Variants in DNAAF1 observed in about 807,000 individuals in gnomAD.
DNAAF1 encodes dynein axonemal assembly factor 1, also known as dynein assembly factor 1, axonemal.
A neutral mutation model predicts 71.1 loss-of-function variants in DNAAF1; 65 were observed. The observed-to-expected ratio is 0.91, with a 90% CI of 0.75 to 1.12. The LOEUF (loss-of-function observed/expected upper bound fraction) is 1.12. Ranked by LOEUF, DNAAF1 falls within the 50% of genes most tolerant of loss-of-function variation. The pLI is 0.00. For synonymous variants in DNAAF1, 414 were observed against 354.6 expected, an observed-to-expected ratio of 1.17 and a Z score of -1.88; for missense variants, 1,178 against 899.8, an observed-to-expected ratio of 1.31 and a Z score of -3.96.
At chr16:84,168,108 G>A (rs892457719) in intron 7 of DNAAF1, among the ~76,000 whole-genome samples, 1 of 152,154 alleles carries the variant, frequency 6.6e-6, no homozygotes, top group Non-Finnish European at 1.5e-5. Flanking sequence ...TAAAATCGAG[G>A]TGTCTCAGGG....
rs575404434 is a variant in DNAAF1, at chr16:84,167,322, C to T, written c.1030+1373C>T. Among the ~76,000 whole-genome samples the T allele has an allele frequency of 2.4e-3, 368 of 152,268 alleles. 2 individuals carry two copies. The highest frequency in any genetic ancestry group is 8.4e-3 in the African/African-American group (349 of 41,564). On this transcript the variant is annotated intron_variant, in intron 7 of 11. Transcript: ENST00000378553. The stretch of plus-strand genomic sequence containing the variant: ...CCCCGCTCCAGGTAACTCCAGTGTT[C>T]AGCAACTTGGAAGCTCTCTGAACCC...
At chr16:84,174,255 CAAAA>C (rs1157868662) in intron 9 of DNAAF1, 2 of 1,071,520 alleles carry the variant, frequency 1.9e-6, no homozygotes, top group African/African-American at 1.7e-5. Flanking sequence ...CAATACAAAA[CAAAA>C]AAGTCCTACA....
At chr16:84,177,370 G>C (rs1321774737) in intron 11 of DNAAF1, 1 of 354,224 alleles carries the variant, frequency 2.8e-6, no homozygotes, top group Non-Finnish European at 5.6e-6. Flanking sequence ...CTGCCTCCTA[G>C]GTTCAAGCAA....
In DNAAF1 at chr16:84,155,617, C is replaced by T. The variant is rs765419589; in HGVS notation, c.609C>T (p.Ala203=). 2 of 1,614,172 alleles carry T rather than the reference C, an allele frequency of 1.2e-6. No homozygotes were observed. The highest frequency in any genetic ancestry group is 1.3e-5 in the African/African-American group (1 of 75,028). Residue 203 remains alanine (A), a synonymous_variant, in exon 5 of 12, where the codon GCC becomes GCT. Coordinates refer to ENST00000378553, the MANE Select transcript of DNAAF1 (RefSeq NM_178452.6). ...CLPVLNTLQM[A]HNHLETVEDI... is the part of the protein sequence containing the mutation. Reference sequence around the variant, plus strand: ...CAGTCCTGAACACATTGCAGATGGCCCACAATCACCTGGAGACCGTGGAGG... The same window carrying T: ...CAGTCCTGAACACATTGCAGATGGCTCACAATCACCTGGAGACCGTGGAGG...
At chr16:84,154,541 T>G in intron 3 of DNAAF1, 36 bp from the exon 4 acceptor site, 1 of 1,594,502 alleles carries the variant, frequency 6.3e-7, no homozygotes, top group Non-Finnish European at 8.6e-7. Flanking sequence ...GCCCTGGGAG[T>G]AGGAGCTTAA....
At chr16:84,152,830 A>G (rs2087247984) in intron 3 of DNAAF1, among the ~76,000 whole-genome samples, 1 of 151,422 alleles carries the variant, frequency 6.6e-6, no homozygotes, top group Admixed American at 6.6e-5. Context: ...GATGGCGGGT[A>G]CCTGTAATCT....
At chr16:84,158,351 A>G (rs1019436778) in intron 5 of DNAAF1, among the ~76,000 whole-genome samples, 2 of 152,160 alleles carry the variant, frequency 1.3e-5, no homozygotes, top group Admixed American at 6.5e-5. Context: ...GGGTCCTCAC[A>G]TGGTCCCTCC....
chr16:84,177,755 C>G lies in DNAAF1; in HGVS notation c.2092C>G (p.Pro698Ala), dbSNP rs1471636924. 6.2e-7 allele frequency: 1 copy of G among 1,613,902 alleles called. No homozygotes were observed. Among genetic ancestry groups the G allele is most frequent in the Non-Finnish European group, 8.5e-7 (1 of 1,179,988 alleles). The part of the protein sequence containing the change: ...PVPTESAATP[P>A]ETCVGVAQPS... ...GCCGACTGAGAGCGCCGCCACACCC[C>G]CAGAGACGTGTGTCGGAGTTGCCCA... The change falls in exon 12 of 12, where the codon CCA becomes GCA. Residue 698 changes from proline to alanine, a missense_variant. Physicochemically the swap from Pro to Ala is conservative, Grantham distance 27. Coordinates refer to ENST00000378553, the MANE Select transcript of DNAAF1 (RefSeq NM_178452.6).
chr16:84,166,480 C>T (rs951919779), intron 7 of DNAAF1, among the ~76,000 whole-genome samples: 1 of 150,300 alleles, frequency 6.7e-6, no homozygotes, highest in Non-Finnish European at 1.5e-5. Flanking sequence ...GTGATCCTCT[C>T]ACCTCAGCTT....
intron 3 of DNAAF1, among the ~76,000 whole-genome samples, chr16:84,150,680 A>G (rs993749481): frequency 1.4e-5 from 2 of 147,058 alleles, no homozygotes; most frequent in African/African-American, 2.5e-5. Context: ...CAGTGGTGCA[A>G]TCTCTGCTCA....
chr16:84,145,394 C>G lies in DNAAF1; in HGVS notation c.-47C>G. ...GGGCCGTAGCGACGTCCGCCGCGAA[C>G]CTGGGCCCCCCAAAGCTGCGGGGCG... On this transcript the variant is annotated 5_prime_UTR_variant, in exon 1 of 12. Transcript: ENST00000378553. 6.4e-7 allele frequency: 1 copy of G among 1,564,264 alleles called. No homozygotes were observed. Among genetic ancestry groups the G allele is most frequent in the South Asian group, 1.2e-5 (1 of 85,052 alleles).
At chr16:84,173,098 T>A (rs1403497558) in intron 9 of DNAAF1, 1 of 986,184 alleles carries the variant, frequency 1.0e-6, no homozygotes, top group East Asian at 1.1e-4. Context: ...CCCTGCCCAC[T>A]TCCTTGTTAA....
intron 2 of DNAAF1, 85 bp from the exon 3 acceptor site, chr16:84,150,166 G>C: frequency 1.1e-5 from 11 of 1,015,842 alleles, no homozygotes; most frequent in Non-Finnish European, 1.6e-5. Flanking sequence ...TTTTGGGCAG[G>C]AATGGATGTG....
At chr16:84,165,720 T>C (rs1215143813) in intron 6 of DNAAF1, 63 bp from the exon 7 acceptor site, 11 of 1,498,528 alleles carry the variant, frequency 7.3e-6, no homozygotes, top group Non-Finnish European at 1.0e-5. Flanking sequence ...ATGAGCAAGT[T>C]GATCAGACAG....
intron 1 of DNAAF1, among the ~76,000 whole-genome samples, chr16:84,146,654 T>TTGCAGTGAGCCAAGGGGGAGGCTGAGGC (rs2086926709): frequency 3.3e-5 from 5 of 151,740 alleles, no homozygotes; most frequent in Non-Finnish European, 7.4e-5. Flanking sequence ...GAGGCAGAGG[T>TTGCAGTGAGCCAAGGGGGAGGCTGAGGC]TGCAGTGAGC....
chr16:84,177,374 C>G (rs937692129), intron 11 of DNAAF1: 1 of 355,114 alleles, frequency 2.8e-6, no homozygotes, highest in Non-Finnish European at 5.5e-6. Context: ...CTCCTAGGTT[C>G]AAGCAATTCT....
rs1218973594 is a variant in DNAAF1, at chr16:84,145,308, G to A, written c.-133G>A. ...TGGGCGACCGGGGAAGCGTTGGGCT[G>A]TAAAGACTAGGGCGCCAGCGGCTGG... On this transcript the variant is annotated 5_prime_UTR_variant, in exon 1 of 12. Transcript: ENST00000378553. 9.5e-6 allele frequency: 14 copies of A among 1,468,932 alleles called. No homozygotes were observed. The East Asian group carries it at 1.7e-4, about 18-fold the overall frequency. 91.0% of individuals were successfully genotyped at this position (1,468,932 alleles called of 1,614,324 possible).
At position 84,170,363 on chromosome 16, in the gene DNAAF1, T is replaced by A. The variant is rs2088265430; in HGVS notation, c.1528+7T>A. On this transcript the variant is annotated splice_region_variant and intron_variant, in intron 8 of 11. Transcript: ENST00000378553. ...CTGGGAGCTGCCAGGGAAGGTAATG[T>A]GAGCGGAGAAACACACACAGACACA... 1 of 1,613,464 alleles carries A rather than the reference T, an allele frequency of 6.2e-7. No individual in the cohort carries two copies. Among genetic ancestry groups the A allele is most frequent in the East Asian group, 2.2e-5 (1 of 44,890 alleles).
intron 1 of DNAAF1, among the ~76,000 whole-genome samples, chr16:84,148,594 C>CTTTTTTTTTTTTTTTTTTTTTTTTTT (rs2087025255): frequency 1.3e-4 from 4 of 30,046 alleles, no homozygotes; most frequent in Non-Finnish European, 1.5e-4. Context: ...CTCTCTCTCT[C>CTTTTTTTTTTTTTTTTTTTTTTTTTT]TCTTTTTTTT....
Sources: allele counts gnomAD v4.1 joint callset (sites outside exome capture counted in the v4.1 genomes callset), GRCh38; gene constraint gnomAD v4.1.1; transcripts MANE v1.5; gene names NCBI Gene and HGNC (gene_info 2026-07-23, HGNC 2026-07-21).